The following RAVER2 variants were observed in gnomAD, a reference collection of about 807,000 sequenced individuals.
The protein encoded by RAVER2 is ribonucleoprotein, PTB binding 2, also known as ribonucleoprotein PTB-binding 2.
RAVER2 carries 46 observed loss-of-function variants against 78.1 expected under a neutral mutation model. The ratio of observed to expected loss-of-function variants is 0.59; its 90% CI spans 0.46 to 0.75. RAVER2 has a LOEUF of 0.75. Ranked by LOEUF, RAVER2 falls within the 30% of genes least tolerant of loss-of-function variation. The pLI, the probability that RAVER2 is intolerant of heterozygous loss-of-function variation, is 0.00. For synonymous variants in RAVER2, 311 were observed against 313.3 expected (o/e 0.99, Z 0.08); for missense variants, 793 against 837.5 (o/e 0.95, Z 0.66).
intron 9 of RAVER2, among the ~76,000 whole-genome samples, chr1:64,808,395 C>A (rs2100879640): frequency 6.6e-6 from 1 of 151,418 alleles, no homozygotes; most frequent in East Asian, 1.9e-4. Context: ...TGTTACCTAG[C>A]CATAGCAAGA....
At chr1:64,815,806 C>G (rs942239743) in intron 11 of RAVER2, 3 of 152,148 alleles carry the variant, frequency 2.0e-5, no homozygotes, top group Non-Finnish European at 4.4e-5. Flanking sequence ...TATTTGCCAT[C>G]TCTTATATAC....
chr1:64,754,345 A>T (rs376939627), intron 1 of RAVER2, among the ~76,000 whole-genome samples: 80 of 152,302 alleles, frequency 5.3e-4, no homozygotes, highest in African/African-American at 1.9e-3. Flanking sequence ...AAGGGCAAGG[A>T]TCATGTTGTG....
At chr1:64,783,432 T>C (rs1652691202) in intron 4 of RAVER2, among the ~76,000 whole-genome samples, 4 of 152,338 alleles carry the variant, frequency 2.6e-5, no homozygotes, top group African/African-American at 9.6e-5. Flanking sequence ...TTCTAACTGG[T>C]GTGAAATGAT....
At chr1:64,750,459 C>A (rs1466569778) in intron 1 of RAVER2, among the ~76,000 whole-genome samples, 11 of 152,024 alleles carry the variant, frequency 7.2e-5, no homozygotes, top group Non-Finnish European at 1.3e-4. Context: ...TAGGCATGCA[C>A]CACTGTGTCC....
intron 1 of RAVER2, among the ~76,000 whole-genome samples, chr1:64,759,138 G>A (rs955493087): frequency 6.6e-6 from 1 of 151,568 alleles, no homozygotes; most frequent in Non-Finnish European, 1.5e-5. Flanking sequence ...TTACAAATTA[G>A]GTTAGTGTAC....
At chr1:64,777,341 A>G (rs1211058034) in intron 2 of RAVER2, among the ~76,000 whole-genome samples, 1 of 152,164 alleles carries the variant, frequency 6.6e-6, no homozygotes, top group Non-Finnish European at 1.5e-5. Flanking sequence ...CCCCCAGAAT[A>G]TCATAGGATT....
At chr1:64,760,039 T>A (rs1189693124) in intron 1 of RAVER2, among the ~76,000 whole-genome samples, 1 of 151,732 alleles carries the variant, frequency 6.6e-6, no homozygotes. Context: ...CCTACAATCT[T>A]ATGAAAATTA....
intron 5 of RAVER2, among the ~76,000 whole-genome samples, chr1:64,798,901 A>G (rs1363959755): frequency 6.6e-6 from 1 of 152,186 alleles, no homozygotes; most frequent in Non-Finnish European, 1.5e-5. Context: ...TAGCATATTA[A>G]CCACCTCAAA....
chr1:64,794,397 C>CA (rs60233578), intron 5 of RAVER2, among the ~76,000 whole-genome samples: 5,021 of 59,502 alleles, frequency 0.084, 177 homozygotes, highest in African/African-American at 0.15. Context: ...GACTCCGTCT[C>CA]AAAAAAAAAA....
chr1:64,795,315 T>C (rs1653066979), intron 5 of RAVER2, among the ~76,000 whole-genome samples: 2 of 152,162 alleles, frequency 1.3e-5, no homozygotes, highest in South Asian at 2.1e-4. Context: ...CATTGACTTA[T>C]AAATTTTAGA....
intron 11 of RAVER2, among the ~76,000 whole-genome samples, chr1:64,821,091 C>T (rs779907545): frequency 3.3e-5 from 5 of 152,118 alleles, no homozygotes; most frequent in Non-Finnish European, 7.4e-5. Context: ...ATTTTAATAA[C>T]GGCCAATTCT....
At chr1:64,779,928 C>T (rs1652582845) in intron 3 of RAVER2, among the ~76,000 whole-genome samples, 3 of 151,784 alleles carry the variant, frequency 2.0e-5, no homozygotes, top group African/African-American at 4.8e-5. Context: ...ACAAGTCAGA[C>T]CATTGTGTTT....
intron 4 of RAVER2, among the ~76,000 whole-genome samples, chr1:64,783,191 A>G (rs1652682571): frequency 6.6e-6 from 1 of 152,166 alleles, no homozygotes; most frequent in African/African-American, 2.4e-5. Context: ...CAATAAATAT[A>G]TGTGTGCATG....
At chr1:64,770,168 CTGT>C (rs1372993674) in intron 2 of RAVER2, among the ~76,000 whole-genome samples, 1 of 152,004 alleles carries the variant, frequency 6.6e-6, no homozygotes, top group Non-Finnish European at 1.5e-5. Flanking sequence ...TACATTTCAA[CTGT>C]TTCTCCATAA....
At chr1:64,813,819 TAG>T (rs921857988) in intron 10 of RAVER2, among the ~76,000 whole-genome samples, 2 of 132,292 alleles carry the variant, frequency 1.5e-5, no homozygotes, top group African/African-American at 6.0e-5. Flanking sequence ...TGCCTTGTTT[TAG>T]AGACTAGACA....
At chr1:64,796,051 A>G (rs1360761249) in intron 5 of RAVER2, among the ~76,000 whole-genome samples, 1 of 151,928 alleles carries the variant, frequency 6.6e-6, no homozygotes, top group African/African-American at 2.4e-5. Context: ...AGATGATCAT[A>G]TATTTTTCCT....
chr1:64,792,032 G>A (rs1395426838), intron 5 of RAVER2, among the ~76,000 whole-genome samples: 1 of 152,114 alleles, frequency 6.6e-6, no homozygotes, highest in African/African-American at 2.4e-5. Context: ...AAAGATGTCA[G>A]TTAAACAGAT....
chr1:64,821,660 A>G (rs1194483756), intron 11 of RAVER2, among the ~76,000 whole-genome samples: 6 of 152,236 alleles, frequency 3.9e-5, no homozygotes, highest in African/African-American at 1.2e-4. Context: ...TGACAAAAGC[A>G]ATGGGGTAAA....
intron 1 of RAVER2, among the ~76,000 whole-genome samples, chr1:64,758,456 T>C (rs1385388492): frequency 6.6e-6 from 1 of 152,180 alleles, no homozygotes; most frequent in Non-Finnish European, 1.5e-5. Flanking sequence ...TTTCTTGGGC[T>C]GGAAGCCTTA....
Sources: allele counts gnomAD v4.1 joint callset (sites outside exome capture counted in the v4.1 genomes callset), GRCh38; gene constraint gnomAD v4.1.1; transcripts MANE v1.5; gene names NCBI Gene and HGNC (gene_info 2026-07-23, HGNC 2026-07-21).